Variants in UROC1 observed in about 807,000 individuals in gnomAD.
UROC1 encodes urocanate hydratase.
UROC1 carries 79 observed loss-of-function variants against 89.5 expected under a neutral mutation model. The observed-to-expected ratio is 0.88, with a 90% confidence interval of 0.74 to 1.06. The LOEUF (loss-of-function observed/expected upper bound fraction) is 1.06. Ranked by LOEUF, UROC1 falls within the 50% of genes least tolerant of loss-of-function variation. UROC1 has a pLI of 0.00. For missense variants in UROC1, 885 were observed against 907.8 expected (o/e 0.97, Z 0.32); for synonymous variants, 361 against 354.8 (o/e 1.02, Z -0.20).
intron 17 of UROC1, among the ~76,000 whole-genome samples, 196 bp downstream of exon 17, chr3:126,489,080 C>A (rs1040961610): frequency 6.6e-6 from 1 of 152,210 alleles, no homozygotes. Context: ...CCAGCTGGCC[C>A]GGTGTGCCTG....
intron 19 of UROC1, among the ~76,000 whole-genome samples, chr3:126,482,910 C>G (rs1247115380): frequency 6.6e-6 from 1 of 152,104 alleles, no homozygotes. Flanking sequence ...GCCTTCCACA[C>G]AGTCACCACA....
chr3:126,511,622 G>A (rs1283946559), intron 1 of UROC1, among the ~76,000 whole-genome samples: 1 of 152,212 alleles, frequency 6.6e-6, no homozygotes, highest in African/African-American at 2.4e-5. Context: ...TACAACAAAG[G>A]TTCTGTGAAA....
At chr3:126,482,936 CT>C (rs1193618231) in intron 19 of UROC1, among the ~76,000 whole-genome samples, 2 of 152,136 alleles carry the variant, frequency 1.3e-5, no homozygotes, top group African/African-American at 2.4e-5. Flanking sequence ...CCCCAACCCA[CT>C]TTTCCATGCC....
At chr3:126,498,304 C>T in intron 13 of UROC1, 132 bp from the exon 14 acceptor site, 3 of 1,487,980 alleles carry the variant, frequency 2.0e-6, no homozygotes, top group Non-Finnish European at 1.8e-6. Context: ...TGTCATTGGA[C>T]AGAAAGTTCC....
intron 19 of UROC1, 149 bp downstream of exon 19, chr3:126,483,220 C>T (rs1174324343): frequency 1.1e-5 from 8 of 737,026 alleles, no homozygotes; most frequent in Admixed American, 6.1e-5. Context: ...TGAGCTGATT[C>T]CCCCTTCCTG....
At chr3:126,514,684 C>T (rs903205677) in intron 1 of UROC1, among the ~76,000 whole-genome samples, 3 of 151,888 alleles carry the variant, frequency 2.0e-5, no homozygotes, top group African/African-American at 2.4e-5. Context: ...GGTTCACAGA[C>T]GTCTTCTGCA....
chr3:126,502,239 G>C (rs907615788), intron 9 of UROC1, among the ~76,000 whole-genome samples: 1 of 151,824 alleles, frequency 6.6e-6, no homozygotes, highest in African/African-American at 2.4e-5. Context: ...GTGTGTGCAT[G>C]TGTCTGTGTG....
intron 1 of UROC1, among the ~76,000 whole-genome samples, chr3:126,516,613 C>T: frequency 2.6e-5 from 1 of 37,772 alleles, no homozygotes; most frequent in East Asian, 4.9e-4. Context: ...TTCCCTCCAG[C>T]ACCCGCTCCA....
intron 18 of UROC1, 55 bp downstream of exon 18, chr3:126,488,143 G>A: frequency 1.2e-6 from 2 of 1,602,912 alleles, no homozygotes; most frequent in Non-Finnish European, 1.7e-6. Context: ...CTGCCCCAAA[G>A]GAACCCCCAA....
intron 18 of UROC1, among the ~76,000 whole-genome samples, chr3:126,483,771 G>A (rs1935448833): frequency 6.6e-6 from 1 of 152,192 alleles, no homozygotes. Flanking sequence ...ACCCCCAGTG[G>A]GCTATAGCTG....
At chr3:126,507,928 A>G in intron 5 of UROC1, 39 bp downstream of exon 5, 1 of 1,613,356 alleles carries the variant, frequency 6.2e-7, no homozygotes, top group Non-Finnish European at 8.5e-7. Flanking sequence ...CTCTCTTTGG[A>G]GCCCTGGGCA....
chr3:126,488,741 A>G (rs778833982), intron 17 of UROC1, among the ~76,000 whole-genome samples: 3 of 152,222 alleles, frequency 2.0e-5, no homozygotes, highest in Non-Finnish European at 4.4e-5. Context: ...GCATCTGCAG[A>G]GAGAAACAGA....
chr3:126,505,563 T>G, intron 8 of UROC1, 138 bp downstream of exon 8: 1 of 1,355,686 alleles, frequency 7.4e-7, no homozygotes, highest in Non-Finnish European at 1.0e-6. Flanking sequence ...TGGGGCTTCG[T>G]GGAGGAGGCA....
At chr3:126,511,390 G>C (rs1936193465) in intron 1 of UROC1, among the ~76,000 whole-genome samples, 1 of 152,114 alleles carries the variant, frequency 6.6e-6, no homozygotes, top group Admixed American at 6.6e-5. Flanking sequence ...TCACTTTCAA[G>C]TCAATACTGC....
intron 13 of UROC1, among the ~76,000 whole-genome samples, chr3:126,498,942 C>T (rs1488662644): frequency 6.6e-6 from 1 of 152,136 alleles, no homozygotes; most frequent in African/African-American, 2.4e-5. Context: ...CCTGCACCCC[C>T]ATGGCCAGAG....
Position 126,502,988 on chromosome 3 carries a change from TTA to T in UROC1, c.902+1005_902+1006del, listed in dbSNP as rs994139530. Reference sequence around the variant, plus strand: ...TATGTATGTGGGTGTGTCTGTGTGGTTATATGTGTGTGCATGCATGTTGTGTG... The same window carrying T: ...TATGTATGTGGGTGTGTCTGTGTGGTTATGTGTGTGCATGCATGTTGTGTG... On this transcript the variant is annotated intron_variant, in intron 9 of 19. Coordinates refer to ENST00000290868, the MANE Select transcript of UROC1 (RefSeq NM_144639.3). Among the ~76,000 whole-genome samples the T allele has an allele frequency of 4.6e-5, 7 of 151,600 alleles. No individual in the cohort carries two copies. In the East Asian group the frequency reaches 1.2e-3, roughly 25 times the overall value.
At chr3:126,504,214 G>GGAA in intron 8 of UROC1, 131 bp from the exon 9 acceptor site, 3 of 872,388 alleles carry the variant, frequency 3.4e-6, no homozygotes, top group Non-Finnish European at 3.7e-6. Flanking sequence ...ACAGTCTCAG[G>GGAA]GAAGACACCA....
In UROC1 at chr3:126,500,187, T is replaced by C. The variant is rs13072404; in HGVS notation, c.1146-33A>G. ...AAGCCATGGGTCAGCACCACCGCTG[T>C]GAGGCCCTGGGGCCTCCCCAATGTG... On this transcript the variant is annotated intron_variant, in intron 11 of 19. Coordinates refer to ENST00000290868, the MANE Select transcript of UROC1 (RefSeq NM_144639.3). The C allele has an allele frequency of 0.55, 876,566 of 1,607,776 alleles. 239,920 individuals are homozygous for C. The highest frequency in any genetic ancestry group is 0.6 in the Middle Eastern group (3,639 of 6,048).
intron 1 of UROC1, among the ~76,000 whole-genome samples, chr3:126,517,006 G>A (rs970582613): frequency 6.6e-6 from 1 of 151,900 alleles, no homozygotes; most frequent in Non-Finnish European, 1.5e-5. Flanking sequence ...CAACCCCCTG[G>A]TGTCACCATT....
Sources: gnomAD v4.1 joint callset for allele counts (sites outside exome capture counted in the v4.1 genomes callset) on GRCh38, gnomAD v4.1.1 for gene constraint, MANE v1.5 for transcripts, NCBI Gene and HGNC (gene_info 2026-07-23, HGNC 2026-07-21) for gene names.